The following IQCH variants were observed in gnomAD, a reference collection of about 807,000 sequenced individuals.
The protein encoded by IQCH is IQ motif containing H.
In IQCH, 98 loss-of-function variants were observed where a neutral mutation model predicts 117.0. The ratio of observed to expected loss-of-function variants is 0.84; its 90% CI spans 0.71 to 0.99. IQCH has a LOEUF of 0.99. Ranked by LOEUF, IQCH falls within the 50% of genes least tolerant of loss-of-function variation. The probability of loss-of-function intolerance (pLI) is 0.00; values close to 1 mark genes in which losing one functional copy is unlikely to be tolerated. For synonymous variants in IQCH, 412 were observed against 448.2 expected, an observed-to-expected ratio of 0.92 and a Z score of 1.02; for missense variants, 1,102 against 1,243.8, an observed-to-expected ratio of 0.89 and a Z score of 1.72.
At chr15:67,339,094 T>C (rs910430467) in intron 5 of IQCH, among the ~76,000 whole-genome samples, 3 of 152,340 alleles carry the variant, frequency 2.0e-5, no homozygotes, top group Middle Eastern at 3.4e-3. Flanking sequence ...TGAGGTCTTT[T>C]TGGTTCACCA....
At position 67,417,048 on chromosome 15, in the gene IQCH, C is replaced by T. The variant is rs1170900868; in HGVS notation, c.2215C>T (p.Gln739Ter). 2 of 1,606,054 alleles carry T rather than the reference C, an allele frequency of 1.2e-6. No homozygotes were observed. The highest frequency in any genetic ancestry group is 1.7e-6 in the Non-Finnish European group (2 of 1,176,564). Residue 739 changes from glutamine to a stop codon, truncating the protein, a stop_gained, in exon 15 of 21, where the codon CAA (glutamine) becomes TAA (stop). Transcript: ENST00000335894. LOFTEE classifies it high-confidence loss of function. This position sits in a 1 kb window ranked among gnomAD's most constrained non-coding sequence, Gnocchi z 4.3. ...WRKFLQTFLS[Q>*]GGVIEAFPPA... ...GAAATTCCTCCAAACATTTCTCAGT[C>T]AAGGTAAATAAGACTGTAAAGTTTC...
At chr15:67,301,556 C>T (rs1432314319) in intron 4 of IQCH, among the ~76,000 whole-genome samples, 2 of 151,572 alleles carry the variant, frequency 1.3e-5, no homozygotes, top group Non-Finnish European at 2.9e-5. Flanking sequence ...ACCACAGGCG[C>T]ACGCTACTAC....
At chr15:67,444,190 A>C (rs989963092) in intron 16 of IQCH, among the ~76,000 whole-genome samples, 1 of 152,168 alleles carries the variant, frequency 6.6e-6, no homozygotes, top group Admixed American at 6.6e-5. Flanking sequence ...CACATCTCCT[A>C]TTTTTTTAAT....
In IQCH at chr15:67,494,149, A is replaced by C; in HGVS notation, c.2862-109A>C. ...GAAGATTGCCACCTTGTGAGATTGAAAATACTCATTAAATTCCATCACCAG... is the reference window on the plus strand; with the variant it reads ...GAAGATTGCCACCTTGTGAGATTGACAATACTCATTAAATTCCATCACCAG... On this transcript the variant is annotated intron_variant, in intron 19 of 20. Coordinates refer to ENST00000335894, the MANE Select transcript of IQCH (RefSeq NM_001031715.3). The surrounding 1 kb of genome is among the most constrained non-coding windows in gnomAD (Gnocchi z 5.5). The C allele has an allele frequency of 1.5e-6, 1 of 673,572 alleles. No homozygotes were observed. Among genetic ancestry groups the C allele is most frequent in the South Asian group, 2.4e-5 (1 of 41,492 alleles). The allele number at this position is 673,572 out of a possible 1,614,324, so 41.7% of individuals were successfully genotyped here.
rs150020168 is a variant in IQCH, at chr15:67,297,357, A to G, written c.387+17845A>G. On this transcript the variant is annotated intron_variant, in intron 4 of 20. Transcript: ENST00000335894. ...TAATTTTTCCATTCTAATTTCATCT[A>G]TTCCCTCTACTATTTTTGGCAAAGT... Among the ~76,000 whole-genome samples, 656 of 152,176 alleles carry G rather than the reference A, an allele frequency of 4.3e-3. 11 individuals are homozygous for G. The highest frequency in any genetic ancestry group is 0.015 in the African/African-American group (615 of 41,536).
chr15:67,311,893 A>T (rs1397628983), intron 4 of IQCH, among the ~76,000 whole-genome samples: 1 of 152,104 alleles, frequency 6.6e-6, no homozygotes, highest in Non-Finnish European at 1.5e-5. Flanking sequence ...CTATTAAGGG[A>T]TTTCAAGCAT....
In IQCH at chr15:67,357,422, G is replaced by GT; in HGVS notation, c.714+2dup. 1 of 1,567,944 alleles carries GT rather than the reference G, an allele frequency of 6.4e-7. No homozygotes were observed. ...CTTTCCCAAGAAACAAAGATCAAAGGTATTTATATTCCTCACTATAGAAAG... is the reference window on the plus strand; with the variant it reads ...CTTTCCCAAGAAACAAAGATCAAAGGTTATTTATATTCCTCACTATAGAAAG... On this transcript the variant is annotated splice_donor_variant, in intron 7 of 20. Transcript: ENST00000335894. LOFTEE classifies it high-confidence loss of function.
At position 67,425,143 on chromosome 15, in the gene IQCH, T is replaced by A. The variant is rs1003181146; in HGVS notation, c.2505+3566T>A. Among the ~76,000 whole-genome samples, 3 of 152,220 alleles carry A rather than the reference T, an allele frequency of 2.0e-5. No individual in the cohort carries two copies. Among genetic ancestry groups the A allele is most frequent in the Non-Finnish European group, 4.4e-5 (3 of 68,028 alleles). ...ATCTTTTCTTAATTGCCTAATCATA[T>A]CTTTTGCCCCAGTTAAATTGGACTA... On this transcript the variant is annotated intron_variant, in intron 16 of 20. Transcript: ENST00000335894. This position sits in a 1 kb window ranked among gnomAD's most constrained non-coding sequence, Gnocchi z 5.5.
At chr15:67,420,835 C>A (rs1257578690) in intron 15 of IQCH, among the ~76,000 whole-genome samples, 2 of 152,154 alleles carry the variant, frequency 1.3e-5, no homozygotes, top group African/African-American at 4.8e-5. Flanking sequence ...TCTCTCTGCC[C>A]ACAAAAAGCC....
chr15:67,421,704 A>T, intron 16 of IQCH, 127 bp downstream of exon 16: 1 of 951,186 alleles, frequency 1.1e-6, no homozygotes. Context: ...AACTTGCTCT[A>T]AATTCAACAC....
intron 15 of IQCH, among the ~76,000 whole-genome samples, chr15:67,419,867 G>A (rs956451488): frequency 1.2e-4 from 19 of 152,338 alleles, no homozygotes; most frequent in African/African-American, 4.3e-4. Flanking sequence ...GATAGTGCAA[G>A]TAAGCTACTT....
chr15:67,499,769 A>G (rs1218761807), intron 20 of IQCH, among the ~76,000 whole-genome samples: 1 of 152,226 alleles, frequency 6.6e-6, no homozygotes, highest in Non-Finnish European at 1.5e-5. Flanking sequence ...ATAATGGGAT[A>G]TTATTCACCT....
chr15:67,323,023 G>A (rs567269064), intron 4 of IQCH, among the ~76,000 whole-genome samples: 1 of 152,212 alleles, frequency 6.6e-6, no homozygotes, highest in Admixed American at 6.5e-5. Context: ...ACACCAAATG[G>A]GAAGAAAGGT....
intron 4 of IQCH, among the ~76,000 whole-genome samples, chr15:67,280,837 GTTATTA>G (rs61573874): frequency 8.0e-5 from 10 of 125,134 alleles, no homozygotes; most frequent in African/African-American, 2.6e-4. Flanking sequence ...AGAAGGAGGT[GTTATTA>G]TTATTATTAT....
chr15:67,304,232 A>G, intron 4 of IQCH: 1 of 564,034 alleles, frequency 1.8e-6, no homozygotes. Context: ...TGAGAATTTC[A>G]TTAAAATAAT....
Position 67,463,361 on chromosome 15 carries a change from T to G in IQCH, c.2506-1766T>G, listed in dbSNP as rs1472646309. ...GCATGTCTTATATTAAACACAAACA[T>G]GTTCTGATCCTCTGCAACTTTAGTT... On this transcript the variant is annotated intron_variant, in intron 16 of 20. Transcript: ENST00000335894. The surrounding 1 kb of genome is among the most constrained non-coding windows in gnomAD (Gnocchi z 4.0). 6.6e-6 allele frequency among the ~76,000 whole-genome samples: 1 copy of G among 152,194 alleles called. No homozygotes were observed. Among genetic ancestry groups the G allele is most frequent in the African/African-American group, 2.4e-5 (1 of 41,438 alleles).
At position 67,454,123 on chromosome 15, in the gene IQCH, T is replaced by C. The variant is rs1459743113; in HGVS notation, c.2506-11004T>C. Among the ~76,000 whole-genome samples, 2 of 152,208 alleles carry C rather than the reference T, an allele frequency of 1.3e-5. No homozygotes were observed. Among genetic ancestry groups the C allele is most frequent in the Admixed American group, 6.5e-5 (1 of 15,288 alleles). On this transcript the variant is annotated intron_variant, in intron 16 of 20. Transcript: ENST00000335894. This position sits in a 1 kb window ranked among gnomAD's most constrained non-coding sequence, Gnocchi z 5.2. The stretch of plus-strand genomic sequence containing the variant: ...GAGTGACCCGATTTTCCAGGTGCCA[T>C]CTGTCACTCCTTTCTTTGACTAGGA...
At chr15:67,274,793 A>G (rs1966052717) in intron 3 of IQCH, among the ~76,000 whole-genome samples, 2 of 151,978 alleles carry the variant, frequency 1.3e-5, no homozygotes, top group African/African-American at 2.4e-5. Flanking sequence ...TTGGTTTTTA[A>G]TGGATATGCT....
intron 13 of IQCH, among the ~76,000 whole-genome samples, chr15:67,396,551 C>T (rs1194238105): frequency 6.6e-6 from 1 of 152,196 alleles, no homozygotes; most frequent in Non-Finnish European, 1.5e-5. Flanking sequence ...TCCCATTTAA[C>T]TGCCATCTGT....
Sources: gnomAD v4.1 joint callset for allele counts (sites outside exome capture counted in the v4.1 genomes callset) on GRCh38, gnomAD v4.1.1 for gene constraint, Gnocchi (gnomAD v3.1) non-coding constraint, MANE v1.5 for transcripts, NCBI Gene and HGNC (gene_info 2026-07-23, HGNC 2026-07-21) for gene names.